MRPS27: variants seen among roughly 807,000 people sequenced by gnomAD.
MRPS27 encodes small ribosomal subunit protein mS27.
MRPS27 carries 43 observed loss-of-function variants against 48.9 expected under a neutral mutation model. The ratio of observed to expected loss-of-function variants is 0.88; its 90% confidence interval spans 0.69 to 1.13. MRPS27 has a LOEUF of 1.13. Among genes scored for constraint, MRPS27 ranks in the 50% most tolerant of loss-of-function variants. The pLI is 0.00. For synonymous variants in MRPS27, 188 were observed against 171.9 expected (o/e 1.09, Z -0.73); for missense variants, 467 against 476.3 (o/e 0.98, Z 0.18).
intron 4 of MRPS27, among the ~76,000 whole-genome samples, chr5:72,268,055 C>T (rs528008737): frequency 2.6e-4 from 39 of 152,302 alleles, no homozygotes; most frequent in African/African-American, 9.4e-4. Flanking sequence ...ACCCAACAAA[C>T]ATGTGCACCA....
At chr5:72,310,486 AG>A (rs1359344935) in intron 2 of MRPS27, among the ~76,000 whole-genome samples, 6 of 152,246 alleles carry the variant, frequency 3.9e-5, no homozygotes, top group African/African-American at 1.4e-4. Context: ...AAAATAATTG[AG>A]AAGGGTAATG....
chr5:72,316,187 G>T (rs1750559261), intron 1 of MRPS27, among the ~76,000 whole-genome samples: 1 of 152,212 alleles, frequency 6.6e-6, no homozygotes, highest in Non-Finnish European at 1.5e-5. Context: ...ACAGAAAGTA[G>T]ATTCATGGTT....
At chr5:72,295,430 A>G in intron 4 of MRPS27, 101 bp downstream of exon 4, 1 of 809,908 alleles carries the variant, frequency 1.2e-6, no homozygotes. Context: ...TAAAATATAA[A>G]CTTAGAAGGT....
intron 10 of MRPS27, among the ~76,000 whole-genome samples, chr5:72,223,374 A>G (rs1323904395): frequency 6.6e-6 from 1 of 152,228 alleles, no homozygotes; most frequent in Non-Finnish European, 1.5e-5. Flanking sequence ...GGTGGGAGTC[A>G]GGTTATTGCT....
intron 4 of MRPS27, among the ~76,000 whole-genome samples, chr5:72,284,121 T>C (rs770402537): frequency 1.4e-4 from 21 of 152,038 alleles, no homozygotes; most frequent in Non-Finnish European, 2.8e-4. Flanking sequence ...TTTTAAAAAA[T>C]ATTTTTTCAG....
At chr5:72,282,752 A>G (rs1410945941) in intron 4 of MRPS27, among the ~76,000 whole-genome samples, 1 of 152,224 alleles carries the variant, frequency 6.6e-6, no homozygotes. Context: ...TTAGTTACCT[A>G]GAGGATAAAT....
chr5:72,302,881 A>G (rs1750159037), intron 2 of MRPS27, among the ~76,000 whole-genome samples: 2 of 152,244 alleles, frequency 1.3e-5, no homozygotes, highest in Admixed American at 1.3e-4. Context: ...ACTTATCACT[A>G]CAATAATGCA....
intron 4 of MRPS27, among the ~76,000 whole-genome samples, chr5:72,268,120 T>G (rs1749146514): frequency 2.0e-5 from 3 of 152,100 alleles, no homozygotes; most frequent in Admixed American, 2.0e-4. Context: ...CTGTCCAGAG[T>G]TGAAAGCTAA....
intron 4 of MRPS27, among the ~76,000 whole-genome samples, chr5:72,290,315 C>G (rs1252850070): frequency 2.6e-5 from 4 of 152,204 alleles, no homozygotes; most frequent in Non-Finnish European, 5.9e-5. Context: ...CTCACCATAA[C>G]TGACTCCAGG....
chr5:72,307,902 A>G (rs2112081900), intron 2 of MRPS27: 1 of 152,386 alleles, frequency 6.6e-6, no homozygotes, highest in East Asian at 1.9e-4. Flanking sequence ...CGACTACTTT[A>G]ATGTAGGCGG....
intron 5 of MRPS27, among the ~76,000 whole-genome samples, chr5:72,236,252 C>T (rs1358684601): frequency 6.6e-6 from 1 of 152,096 alleles, no homozygotes; most frequent in Non-Finnish European, 1.5e-5. Flanking sequence ...CAAACATCTA[C>T]AATTTTTAAA....
chr5:72,226,046 G>A lies in MRPS27; in HGVS notation c.837+11C>T, dbSNP rs773975025. 38 of 1,607,840 alleles carry A rather than the reference G, an allele frequency of 2.4e-5. No individual in the cohort carries two copies. The East Asian group carries it at 3.8e-4, about 16-fold the overall frequency. ...GGCTAAATCTCACTGCCTTAGAGCT[G>A]AAGAACATACCGCTTCTCTACACAG... On this transcript the variant is annotated intron_variant, in intron 9 of 10. Transcript: ENST00000261413.
intron 4 of MRPS27, chr5:72,241,782 T>C: frequency 8.2e-7 from 1 of 1,218,400 alleles, no homozygotes; most frequent in South Asian, 1.3e-5. Context: ...TCGCCTGCTC[T>C]GACCACCAGC....
intron 4 of MRPS27, among the ~76,000 whole-genome samples, chr5:72,262,014 C>T (rs932679577): frequency 3.3e-5 from 5 of 152,158 alleles, no homozygotes; most frequent in African/African-American, 1.2e-4. Flanking sequence ...TCTATAAAAA[C>T]ACCAATCTGT....
At chr5:72,243,355 G>T (rs990027275) in intron 4 of MRPS27, among the ~76,000 whole-genome samples, 2 of 152,056 alleles carry the variant, frequency 1.3e-5, no homozygotes, top group African/African-American at 4.8e-5. Context: ...TTTTCATCCT[G>T]CTGGAAATTC....
chr5:72,238,238 A>C (rs1748256772), intron 4 of MRPS27, 110 bp from the exon 5 acceptor site: 1 of 673,164 alleles, frequency 1.5e-6, no homozygotes. Flanking sequence ...ATGTGACAGA[A>C]ATTCATAAAA....
chr5:72,277,262 A>C (rs1749401666), intron 4 of MRPS27, among the ~76,000 whole-genome samples: 1 of 152,178 alleles, frequency 6.6e-6, no homozygotes, highest in Non-Finnish European at 1.5e-5. Context: ...TACACTGTTG[A>C]TGGGAATATA....
intron 4 of MRPS27, among the ~76,000 whole-genome samples, chr5:72,278,833 T>C (rs1749456871): frequency 6.6e-6 from 1 of 152,174 alleles, no homozygotes; most frequent in African/African-American, 2.4e-5. Context: ...GCTTATTCTT[T>C]CTCACTGTTG....
intron 4 of MRPS27, among the ~76,000 whole-genome samples, chr5:72,259,404 G>A (rs1748902117): frequency 2.0e-5 from 3 of 150,392 alleles, no homozygotes; most frequent in African/African-American, 7.4e-5. Context: ...GGAAGCAGAG[G>A]TTGCAGTGAG....
Sources: gnomAD v4.1 joint callset for allele counts (sites outside exome capture counted in the v4.1 genomes callset) on GRCh38, gnomAD v4.1.1 for gene constraint, MANE v1.5 for transcripts, NCBI Gene and HGNC (gene_info 2026-07-23, HGNC 2026-07-21) for gene names.